Variants in MROH7 observed in about 807,000 individuals in gnomAD.
The protein encoded by MROH7 is maestro heat like repeat family member 7, also known as maestro heat-like repeat-containing protein family member 7.
A neutral mutation model predicts 129.2 loss-of-function variants in MROH7; 113 were observed. The ratio of observed to expected loss-of-function variants is 0.87; its 90% confidence interval spans 0.75 to 1.02. The LOEUF is 1.02. MROH7 is among the 50% of genes least tolerant of loss of function. The pLI is 0.00. For missense variants in MROH7, 1,601 were observed against 1,671.3 expected (o/e 0.96, Z 0.73); for synonymous variants, 655 against 667.9 (o/e 0.98, Z 0.30).
Position 54,700,308 on chromosome 1 carries a change from T to A in MROH7, c.2965-13T>A, listed in dbSNP as rs1250860688. 1.9e-6 allele frequency: 3 copies of A among 1,613,954 alleles called. No homozygotes were observed. Among genetic ancestry groups the A allele is most frequent in the Non-Finnish European group, 2.5e-6 (3 of 1,180,012 alleles). ...CCCTCAGCCTGGGAAGTAATGACCC[T>A]TTGCTCCCTCAGCTCCTCCAGATGG... is the stretch of plus-strand genomic sequence containing the variant. On this transcript the variant is annotated splice_polypyrimidine_tract_variant and intron_variant, in intron 17 of 23. Coordinates refer to ENST00000421030, the MANE Select transcript of MROH7 (RefSeq NM_001039464.4).
At chr1:54,709,862 G>T in intron 23 of MROH7, 84 bp from the exon 24 acceptor site, 1 of 1,520,864 alleles carries the variant, frequency 6.6e-7, no homozygotes, top group Non-Finnish European at 9.0e-7. Flanking sequence ...CTAAGCCAAG[G>T]CATGGAGATG....
chr1:54,698,669 G>C (rs1645360522), intron 17 of MROH7: 2 of 152,408 alleles, frequency 1.3e-5, no homozygotes, highest in Admixed American at 6.5e-5. Context: ...GAGGCCAGTG[G>C]GGGAGAGGAG....
intron 15 of MROH7, 85 bp downstream of exon 15, chr1:54,686,533 A>G (rs1645151507): frequency 2.4e-6 from 3 of 1,233,342 alleles, no homozygotes. Context: ...TCTCAGGGGC[A>G]ATCAATCAAT....
chr1:54,708,981 A>T, intron 22 of MROH7, 33 bp from the exon 23 acceptor site: 2 of 1,611,134 alleles, frequency 1.2e-6, no homozygotes, highest in Non-Finnish European at 1.7e-6. Flanking sequence ...ACGTCGGAAG[A>T]CAAATGCCCT....
At position 54,695,425 on chromosome 1, in the gene MROH7, C is replaced by A. The variant is rs1645304467; in HGVS notation, c.2899C>A (p.Leu967Ile). The change falls in exon 17 of 24, where the codon CTC (leucine) becomes ATC (isoleucine). Residue 967 changes from leucine to isoleucine, a missense_variant. By Grantham distance (5) the Leu-to-Ile change is conservative. Coordinates refer to ENST00000421030, the MANE Select transcript of MROH7 (RefSeq NM_001039464.4). The stretch of plus-strand genomic sequence containing the variant: ...GGAGCTGTGCCGCATCCTCTACCTG[C>A]TCATCCCGCTCCTGGAGCGAGGCGA... ...CQELCRILYL[L>I]IPLLERGDEK... 1 of 1,613,734 alleles carries A rather than the reference C, an allele frequency of 6.2e-7. No homozygotes were observed. Among genetic ancestry groups the A allele is most frequent in the African/African-American group, 1.3e-5 (1 of 74,936 alleles).
At chr1:54,693,520 T>G (rs905926378) in intron 16 of MROH7, among the ~76,000 whole-genome samples, 3 of 152,074 alleles carry the variant, frequency 2.0e-5, no homozygotes, top group Non-Finnish European at 4.4e-5. Context: ...CAGGGGTGAT[T>G]AACACATATT....
rs1644940130 is a variant in MROH7, at chr1:54,673,816, C to T, written c.1800+11C>T. The T allele has an allele frequency of 6.2e-7, 1 of 1,601,988 alleles. No individual in the cohort carries two copies. The highest frequency in any genetic ancestry group is 8.6e-7 in the Non-Finnish European group (1 of 1,168,968). ...ACTCTGCCTTTCTTTGTGAGTGGCC[C>T]CTGGGAGGGGTGGACACTCTTAGGG... On this transcript the variant is annotated intron_variant, in intron 9 of 23. Transcript: ENST00000421030.
chr1:54,679,483 G>C, intron 12 of MROH7, 44 bp downstream of exon 12: 3 of 1,584,654 alleles, frequency 1.9e-6, no homozygotes, highest in Non-Finnish European at 1.7e-6. Flanking sequence ...ACTGGGGCTC[G>C]GGAGCTCCCC....
chr1:54,670,025 A>T (rs902411213), intron 5 of MROH7, among the ~76,000 whole-genome samples: 2 of 149,268 alleles, frequency 1.3e-5, no homozygotes, highest in African/African-American at 2.5e-5. Flanking sequence ...AAAAAAAAAT[A>T]GTTCAAGATG....
chr1:54,706,105 T>C (rs940343508), intron 21 of MROH7, among the ~76,000 whole-genome samples: 38 of 152,168 alleles, frequency 2.5e-4, no homozygotes, highest in African/African-American at 9.2e-4. Context: ...CCTTGAATCC[T>C]TCACCCTGGT....
chr1:54,692,362 A>G (rs1408422227), intron 15 of MROH7, 62 bp from the exon 16 acceptor site: 119 of 1,593,808 alleles, frequency 7.5e-5, no homozygotes, highest in Non-Finnish European at 1.0e-4. Context: ...GCCGGGGTGG[A>G]GGGAGGCTTG....
At chr1:54,705,879 A>G (rs1294028925) in intron 21 of MROH7, among the ~76,000 whole-genome samples, 1 of 152,180 alleles carries the variant, frequency 6.6e-6, no homozygotes, top group East Asian at 1.9e-4. Context: ...CCTTAGCTGG[A>G]CAAGCTCCTT....
intron 5 of MROH7, among the ~76,000 whole-genome samples, chr1:54,669,280 C>T (rs576199091): frequency 6.6e-6 from 1 of 152,274 alleles, no homozygotes; most frequent in South Asian, 2.1e-4. Context: ...CTTTTCCCAG[C>T]AATTCCTTCT....
rs1287185590 is a variant in MROH7 at position 54,706,380 on chromosome 1, T to A, written c.3565-55T>A. On this transcript the variant is annotated intron_variant, in intron 21 of 23. Transcript: ENST00000421030. ...CATTCCTAGCTTCAAGAAGGGTGGA[T>A]GGGCAATTGGTTCCTCTGAGAGGCC... 2.3e-6 allele frequency: 3 copies of A among 1,297,052 alleles called. No individual in the cohort carries two copies. The African/African-American group carries it at 4.4e-5, about 19-fold the overall frequency. 80.3% of individuals were successfully genotyped at this position (1,297,052 alleles called of 1,614,324 possible).
At chr1:54,656,230 G>A (rs1414398173) in intron 3 of MROH7, among the ~76,000 whole-genome samples, 3 of 149,684 alleles carry the variant, frequency 2.0e-5, no homozygotes, top group Non-Finnish European at 3.0e-5. Flanking sequence ...TTTTTTTTTC[G>A]GCTGAGTGTG....
At chr1:54,697,861 T>C in intron 17 of MROH7, 1 of 533,762 alleles carries the variant, frequency 1.9e-6, no homozygotes, top group Non-Finnish European at 3.4e-6. Context: ...GGGTGGATCT[T>C]GCCAGACCTT....
At position 54,665,277 on chromosome 1, in the gene MROH7, G is replaced by A. The variant is rs772849679; in HGVS notation, c.1305+37G>A. 5.1e-6 allele frequency: 8 copies of A among 1,558,504 alleles called. No individual in the cohort carries two copies. In the South Asian group the frequency reaches 6.7e-5, roughly 13 times the overall value. On this transcript the variant is annotated intron_variant, in intron 4 of 23. Coordinates refer to ENST00000421030, the MANE Select transcript of MROH7 (RefSeq NM_001039464.4). Reference sequence around the variant, plus strand: ...GCCCAACCCCTAGCTGACTGTGCTGGGATACTTCCATCCTGCCAACCCCCT... The same window carrying A: ...GCCCAACCCCTAGCTGACTGTGCTGAGATACTTCCATCCTGCCAACCCCCT...
intron 17 of MROH7, 27 bp downstream of exon 17, chr1:54,695,517 G>A: frequency 6.7e-7 from 1 of 1,493,678 alleles, no homozygotes; most frequent in Non-Finnish European, 9.3e-7. Context: ...CGGGTACACA[G>A]CGGGAGCTCC....
intron 21 of MROH7, among the ~76,000 whole-genome samples, chr1:54,704,673 T>C (rs1227327504): frequency 6.6e-6 from 1 of 151,908 alleles, no homozygotes; most frequent in Non-Finnish European, 1.5e-5. Context: ...CTCGAACTCC[T>C]GACCTCAGGT....
Sources: allele counts gnomAD v4.1 joint callset (sites outside exome capture counted in the v4.1 genomes callset), GRCh38; gene constraint gnomAD v4.1.1; transcripts MANE v1.5; gene names NCBI Gene and HGNC (gene_info 2026-07-23, HGNC 2026-07-21).